WDR70: variants seen among roughly 807,000 people sequenced by gnomAD.
WDR70 encodes WD repeat domain 70.
WDR70 carries 53 observed loss-of-function variants against 88.6 expected under a neutral mutation model. That is an observed-to-expected ratio of 0.60 (90% CI 0.48 to 0.75). The LOEUF is 0.75. WDR70 is among the 30% of genes least tolerant of loss of function. The probability of loss-of-function intolerance (pLI) is 0.00; values close to 1 mark genes in which losing one functional copy is unlikely to be tolerated. For synonymous variants in WDR70, 280 were observed against 270.0 expected (o/e 1.04, Z -0.36); for missense variants, 610 against 823.2 (o/e 0.74, Z 3.17).
At chr5:37,510,437 T>G (rs1294653518) in intron 8 of WDR70, among the ~76,000 whole-genome samples, 1 of 152,212 alleles carries the variant, frequency 6.6e-6, no homozygotes. Context: ...GAGGTGTTCC[T>G]AATAACAATG....
At chr5:37,566,736 A>G (rs1212121918) in intron 9 of WDR70, among the ~76,000 whole-genome samples, 1 of 152,216 alleles carries the variant, frequency 6.6e-6, no homozygotes, top group East Asian at 1.9e-4. Context: ...GAAAGCTGCA[A>G]GGCTAATACA....
At chr5:37,659,070 A>G (rs1246509407) in intron 10 of WDR70, among the ~76,000 whole-genome samples, 1 of 152,146 alleles carries the variant, frequency 6.6e-6, no homozygotes, top group Non-Finnish European at 1.5e-5. Flanking sequence ...TCTGTACACA[A>G]TTCATTCTAT....
At chr5:37,562,928 T>C (rs1240323645) in intron 9 of WDR70, among the ~76,000 whole-genome samples, 1 of 151,162 alleles carries the variant, frequency 6.6e-6, no homozygotes, top group Non-Finnish European at 1.5e-5. Context: ...AAAACTGCCG[T>C]TGTCATCATG....
chr5:37,561,465 T>G (rs1027591419), intron 9 of WDR70, among the ~76,000 whole-genome samples: 1 of 152,238 alleles, frequency 6.6e-6, no homozygotes, highest in African/African-American at 2.4e-5. Flanking sequence ...GCATAAAATA[T>G]TTAGTTAAGC....
intron 5 of WDR70, among the ~76,000 whole-genome samples, chr5:37,424,207 A>G (rs1317694679): frequency 2.7e-5 from 4 of 147,386 alleles, no homozygotes; most frequent in African/African-American, 1.0e-4. Flanking sequence ...TTATAAATAT[A>G]TTGCTGCTTG....
intron 10 of WDR70, among the ~76,000 whole-genome samples, chr5:37,694,515 G>A (rs1306708443): frequency 2.0e-5 from 3 of 152,174 alleles, no homozygotes; most frequent in Admixed American, 6.5e-5. Context: ...ATACTATGCA[G>A]CCATAAAAAA....
chr5:37,622,747 G>T (rs903518273), intron 10 of WDR70, among the ~76,000 whole-genome samples: 5 of 152,152 alleles, frequency 3.3e-5, no homozygotes, highest in East Asian at 3.9e-4. Flanking sequence ...GTTGTGGGGT[G>T]GGGGGAGCGG....
chr5:37,565,017 G>T (rs1742696775), intron 9 of WDR70, among the ~76,000 whole-genome samples: 1 of 152,058 alleles, frequency 6.6e-6, no homozygotes, highest in Non-Finnish European at 1.5e-5. Flanking sequence ...TACAAAATAA[G>T]TTATTACAGA....
chr5:37,442,218 G>A (rs1750677564), intron 6 of WDR70, among the ~76,000 whole-genome samples: 1 of 151,638 alleles, frequency 6.6e-6, no homozygotes, highest in African/African-American at 2.4e-5. Flanking sequence ...TGTATTTTTA[G>A]TAGAGATGGG....
At chr5:37,399,746 G>A (rs1022822117) in intron 5 of WDR70, among the ~76,000 whole-genome samples, 2 of 151,958 alleles carry the variant, frequency 1.3e-5, no homozygotes, top group African/African-American at 4.8e-5. Context: ...ATGCAGAAAC[G>A]TAGTACAACA....
At chr5:37,687,093 C>G (rs1240678383) in intron 10 of WDR70, among the ~76,000 whole-genome samples, 1 of 151,900 alleles carries the variant, frequency 6.6e-6, no homozygotes, top group East Asian at 1.9e-4. Context: ...TTTTAGATTC[C>G]CGACATTATG....
chr5:37,558,400 C>A (rs1438823902), intron 9 of WDR70, among the ~76,000 whole-genome samples: 1 of 152,086 alleles, frequency 6.6e-6, no homozygotes, highest in Non-Finnish European at 1.5e-5. Flanking sequence ...TTCACTGCAG[C>A]CTCGACATCC....
chr5:37,441,158 G>C (rs1750641612), intron 6 of WDR70, among the ~76,000 whole-genome samples: 1 of 152,182 alleles, frequency 6.6e-6, no homozygotes, highest in Non-Finnish European at 1.5e-5. Context: ...AGGGAAGAAG[G>C]ATAGCATAAT....
chr5:37,629,231 A>G (rs1744748572), intron 10 of WDR70, among the ~76,000 whole-genome samples: 1 of 152,076 alleles, frequency 6.6e-6, no homozygotes, highest in Non-Finnish European at 1.5e-5. Context: ...TACTTATTAC[A>G]ATTTGACTAT....
chr5:37,468,253 C>T lies in WDR70; in HGVS notation c.687-11581C>T, dbSNP rs181737139. ...TAAATCTGATAGGTTTCTTTCTCTCCAAGGACAGATTTTTAAATATTTAAC... is the reference window on the plus strand; with the variant it reads ...TAAATCTGATAGGTTTCTTTCTCTCTAAGGACAGATTTTTAAATATTTAAC... On this transcript the variant is annotated intron_variant, in intron 7 of 17. Coordinates refer to ENST00000265107, the MANE Select transcript of WDR70 (RefSeq NM_018034.4). Among the ~76,000 whole-genome samples, 1,312 of 152,262 alleles carry T rather than the reference C, an allele frequency of 8.6e-3. 18 individuals are homozygous for T. The highest frequency in any genetic ancestry group is 0.03 in the African/African-American group (1,248 of 41,548).
rs568649652 is a variant in WDR70, at chr5:37,559,804, C to T, written c.917+43214C>T. On this transcript the variant is annotated intron_variant, in intron 9 of 17. Transcript: ENST00000265107. ...AGGTTGTGGTGAGCTGAGATCACGC[C>T]GTTGCACTCCAGCCTGGGCAACAAG... Among the ~76,000 whole-genome samples the T allele has an allele frequency of 4.6e-5, 7 of 150,692 alleles. No homozygotes were observed. In the South Asian group the frequency reaches 1.3e-3, roughly 27 times the overall value.
At chr5:37,692,967 C>G (rs13011945) in intron 10 of WDR70, among the ~76,000 whole-genome samples, 11,175 of 152,158 alleles carry the variant, frequency 0.073, 1,320 homozygotes, top group African/African-American at 0.25. Flanking sequence ...TTAGAAAACC[C>G]CATTGTCTCA....
chr5:37,694,791 C>T (rs1358137150), intron 10 of WDR70, among the ~76,000 whole-genome samples: 2 of 151,888 alleles, frequency 1.3e-5, no homozygotes, highest in East Asian at 3.9e-4. Flanking sequence ...CACATGTATA[C>T]CTATGTATCA....
chr5:37,416,338 G>A (rs549322401), intron 5 of WDR70, among the ~76,000 whole-genome samples: 31 of 152,250 alleles, frequency 2.0e-4, no homozygotes, highest in Admixed American at 1.4e-3. Context: ...GCGAAACCCC[G>A]TCTCCACCAA....
Sources: gnomAD v4.1 joint callset for allele counts (sites outside exome capture counted in the v4.1 genomes callset) on GRCh38, gnomAD v4.1.1 for gene constraint, MANE v1.5 for transcripts, NCBI Gene and HGNC (gene_info 2026-07-23, HGNC 2026-07-21) for gene names.